Variants in SPRR2G observed in about 807,000 individuals in gnomAD.
SPRR2G encodes the protein small proline rich protein 2G.
Under a neutral mutation model 0.7 loss-of-function variants are expected in SPRR2G, and 1 was observed. The observed-to-expected ratio is 1.49, with a 90% CI of 0.53 to 7.06. The LOEUF is 7.06. Among genes scored for constraint, SPRR2G ranks in the 30% most tolerant of loss-of-function variants. The probability of loss-of-function intolerance (pLI) is 0.14; values close to 1 mark genes in which losing one functional copy is unlikely to be tolerated. For synonymous variants in SPRR2G, 38 were observed against 33.9 expected (o/e 1.12, Z -0.42); for missense variants, 96 against 88.5 (o/e 1.09, Z -0.34).
At chr1:153,188,197 A>T in the SPRR2G span, among the ~76,000 whole-genome samples, 1 of 152,166 alleles carries the variant, frequency 6.6e-6, no homozygotes, top group Non-Finnish European at 1.5e-5. Flanking sequence ...GACCCACTTG[A>T]GGAGGCAGTC....
chr1:153,157,457 T>C, the SPRR2G span, among the ~76,000 whole-genome samples: 1 of 152,162 alleles, frequency 6.6e-6, no homozygotes, highest in African/African-American at 2.4e-5. Context: ...CAAGGGAGAT[T>C]ATAATACTCT....
chr1:153,164,752 C>T, the SPRR2G span, among the ~76,000 whole-genome samples: 4,038 of 152,258 alleles, frequency 0.027, 172 homozygotes, highest in African/African-American at 0.091. Flanking sequence ...ATTCAAGTTT[C>T]GCTTTTTGCA....
At chr1:153,151,830 G>A (rs922563229), upstream of SPRR2G, among the ~76,000 whole-genome samples, 3 of 152,194 alleles carry the variant, frequency 2.0e-5, no homozygotes, top group Non-Finnish European at 4.4e-5. Context: ...CTTCATGGAT[G>A]TTTTTACCTA....
At chr1:153,155,110 C>G (rs183239063), upstream of SPRR2G, among the ~76,000 whole-genome samples, 2 of 152,192 alleles carry the variant, frequency 1.3e-5, no homozygotes, top group East Asian at 3.9e-4. Context: ...TGGATCTTAC[C>G]ATCCTATGCA....
At chr1:153,151,531 C>G (rs1656468851), upstream of SPRR2G, among the ~76,000 whole-genome samples, 1 of 152,040 alleles carries the variant, frequency 6.6e-6, no homozygotes, top group East Asian at 1.9e-4. Context: ...ATGTTGGGGC[C>G]CCTTCTTAAA....
At chr1:153,195,388 C>G in the SPRR2G span, among the ~76,000 whole-genome samples, 10 of 152,310 alleles carry the variant, frequency 6.6e-5, no homozygotes, top group African/African-American at 2.2e-4. Flanking sequence ...GGCCATGTTT[C>G]GGTCTTCTTT....
rs762009326 is a variant in SPRR2G at position 153,149,773 on chromosome 1, A to G, written c.*116T>C. ...TTCTCTGTCAACGCTCAAGCCAGAC[A>G]GAGGTTAGGGAAGATGCAGCCTCCC... On this transcript the variant is annotated 3_prime_UTR_variant, in exon 2 of 2. Coordinates refer to ENST00000368748, the MANE Select transcript of SPRR2G (RefSeq NM_001014291.4). 1.1e-5 allele frequency: 14 copies of G among 1,316,498 alleles called. No individual in the cohort carries two copies. Among genetic ancestry groups the G allele is most frequent in the Non-Finnish European group, 1.4e-5 (13 of 929,066 alleles). The allele number at this position is 1,316,498 out of a possible 1,614,324, so 81.6% of individuals were successfully genotyped here.
At chr1:153,182,493 A>G in the SPRR2G span, among the ~76,000 whole-genome samples, 3 of 151,888 alleles carry the variant, frequency 2.0e-5, no homozygotes, top group Non-Finnish European at 2.9e-5. Context: ...TCTAGATTTT[A>G]AGCCCCACAT....
chr1:153,188,385 C>T, the SPRR2G span, among the ~76,000 whole-genome samples: 1 of 152,182 alleles, frequency 6.6e-6, no homozygotes, highest in Non-Finnish European at 1.5e-5. Context: ...TGCTGCCTTT[C>T]TTTCAGAGAT....
the SPRR2G span, among the ~76,000 whole-genome samples, chr1:153,198,997 G>A: frequency 6.6e-6 from 1 of 152,122 alleles, no homozygotes; most frequent in Non-Finnish European, 1.5e-5. Flanking sequence ...AAAGGGAAGA[G>A]GGTTAAAATA....
the SPRR2G span, chr1:153,190,772 A>C: frequency 6.6e-6 from 1 of 152,202 alleles, no homozygotes; most frequent in African/African-American, 2.4e-5. Context: ...GAAGACAATC[A>C]CATTGTCTGT....
the SPRR2G span, among the ~76,000 whole-genome samples, chr1:153,182,835 C>T: frequency 4.6e-5 from 7 of 152,236 alleles, no homozygotes; most frequent in East Asian, 1.4e-3. Context: ...GTGAATAGTG[C>T]TACAATAAAC....
chr1:153,184,326 C>A, the SPRR2G span, among the ~76,000 whole-genome samples: 1 of 152,190 alleles, frequency 6.6e-6, no homozygotes, highest in Admixed American at 6.5e-5. Flanking sequence ...GCCATTGATT[C>A]TTCCTGTCCA....
chr1:153,155,244 C>T (rs1656558207), upstream of SPRR2G, among the ~76,000 whole-genome samples: 1 of 152,254 alleles, frequency 6.6e-6, no homozygotes, highest in African/African-American at 2.4e-5. Context: ...CTCTAGATAT[C>T]TCTGTCCAAA....
the SPRR2G span, among the ~76,000 whole-genome samples, chr1:153,159,876 A>G: frequency 9.1e-3 from 1,380 of 152,286 alleles, 19 homozygotes; most frequent in African/African-American, 0.032. Context: ...CCGTGATCCA[A>G]TCACCTCCCA....
chr1:153,169,519 T>C, the SPRR2G span, among the ~76,000 whole-genome samples: 1 of 150,066 alleles, frequency 6.7e-6, no homozygotes, highest in Non-Finnish European at 1.5e-5. Flanking sequence ...TGTGCTGAGA[T>C]CATGCCACTG....
upstream of SPRR2G, among the ~76,000 whole-genome samples, chr1:153,154,255 T>A (rs2101649656): frequency 6.6e-6 from 1 of 152,112 alleles, no homozygotes; most frequent in South Asian, 2.1e-4. Flanking sequence ...GACTACTAGG[T>A]ATGCTAGTAT....
At chr1:153,201,196 C>T in the SPRR2G span, among the ~76,000 whole-genome samples, 1 of 152,176 alleles carries the variant, frequency 6.6e-6, no homozygotes, top group Non-Finnish European at 1.5e-5. Flanking sequence ...AGCCACCAAA[C>T]CCTAAGTGAA....
chr1:153,176,578 G>C, the SPRR2G span: 1 of 152,082 alleles, frequency 6.6e-6, no homozygotes, highest in African/African-American at 2.4e-5. Context: ...AGCTGTACAG[G>C]TACCAACAAC....
Sources: gnomAD v4.1 joint callset for allele counts (sites outside exome capture counted in the v4.1 genomes callset) on GRCh38, gnomAD v4.1.1 for gene constraint, MANE v1.5 for transcripts, NCBI Gene and HGNC (gene_info 2026-07-23, HGNC 2026-07-21) for gene names.